KHDC4: variants seen among roughly 807,000 people sequenced by gnomAD.
The protein encoded by KHDC4 is KH domain containing 4, pre-mRNA splicing factor, also known as KH homology domain-containing protein 4.
KHDC4 carries 19 observed loss-of-function variants against 74.5 expected under a neutral mutation model. That is an observed-to-expected ratio of 0.26 (90% CI 0.18 to 0.37). The LOEUF (loss-of-function observed/expected upper bound fraction) is 0.37, where lower values mean the gene tolerates loss of function less well. Ranked by LOEUF, KHDC4 falls within the 10% of genes least tolerant of loss-of-function variation. The pLI is 1.00. For synonymous variants in KHDC4, 253 were observed against 266.1 expected, an observed-to-expected ratio of 0.95 and a Z score of 0.48; for missense variants, 632 against 754.1, an observed-to-expected ratio of 0.84 and a Z score of 1.90.
At chr1:155,928,757 C>T (rs1218804024) in intron 4 of KHDC4, among the ~76,000 whole-genome samples, 1 of 151,560 alleles carries the variant, frequency 6.6e-6, no homozygotes, top group African/African-American at 2.4e-5. Flanking sequence ...TCAAGACCAT[C>T]CTGGCTAACA....
At chr1:155,928,782 C>T (rs1020312127) in intron 4 of KHDC4, among the ~76,000 whole-genome samples, 4 of 151,520 alleles carry the variant, frequency 2.6e-5, no homozygotes, top group African/African-American at 9.7e-5. Context: ...GAAGCTCTGT[C>T]TCTACTAAAA....
intron 3 of KHDC4, 39 bp downstream of exon 3, chr1:155,929,673 A>G: frequency 6.3e-7 from 1 of 1,593,176 alleles, no homozygotes; most frequent in Non-Finnish European, 8.5e-7. Context: ...ATCTGAATCC[A>G]CTCACCGCCC....
chr1:155,923,709 T>C, intron 7 of KHDC4, 22 bp from the exon 8 acceptor site: 2 of 1,583,562 alleles, frequency 1.3e-6, no homozygotes, highest in Non-Finnish European at 1.7e-6. Context: ...TAACCAGGAA[T>C]TCAAAGGAGA....
Position 155,914,001 on chromosome 1 carries a change from C to T in KHDC4, c.*120G>A. 1.2e-6 allele frequency: 1 copy of T among 804,958 alleles called. No individual in the cohort carries two copies. The highest frequency in any genetic ancestry group is 1.7e-5 in the South Asian group (1 of 58,052). 49.9% of individuals were successfully genotyped at this position (804,958 alleles called of 1,614,324 possible). A position where few individuals can be genotyped will look rare whatever the true frequency, so the allele number is the denominator to read the frequency against. On this transcript the variant is annotated 3_prime_UTR_variant, in exon 14 of 14. Transcript: ENST00000368321. Reference sequence around the variant, plus strand: ...CCTTTAAGAAAGGGGGGCACTGAATCTCTAACTTCTGCAAAGGTCCAGATG... The same window carrying T: ...CCTTTAAGAAAGGGGGGCACTGAATTTCTAACTTCTGCAAAGGTCCAGATG...
chr1:155,928,593 C>CAAAAAAAA (rs10555758), intron 4 of KHDC4, among the ~76,000 whole-genome samples: 93 of 89,218 alleles, frequency 1.0e-3, no homozygotes, highest in African/African-American at 3.6e-3. Context: ...ATCATAAAGA[C>CAAAAAAAA]AAAAAAAAAA....
At chr1:155,923,518 T>C (rs1673915302) in intron 8 of KHDC4, 109 bp downstream of exon 8, 3 of 793,672 alleles carry the variant, frequency 3.8e-6, no homozygotes, top group African/African-American at 3.4e-5. Flanking sequence ...CCAACTGCCA[T>C]AACTTGTTAT....
At chr1:155,924,632 G>A (rs1433534443) in intron 7 of KHDC4, among the ~76,000 whole-genome samples, 3 of 145,938 alleles carry the variant, frequency 2.1e-5, no homozygotes, top group Non-Finnish European at 4.5e-5. Flanking sequence ...GGAGTGCAAT[G>A]GAGCAGTCTC....
intron 8 of KHDC4, 57 bp from the exon 9 acceptor site, chr1:155,921,975 G>C: frequency 1.9e-6 from 2 of 1,060,790 alleles, no homozygotes; most frequent in South Asian, 2.7e-5. Flanking sequence ...GCATTTACAA[G>C]GGTCTGATTA....
chr1:155,920,349 A>G (rs988899293), intron 10 of KHDC4, among the ~76,000 whole-genome samples: 2 of 151,932 alleles, frequency 1.3e-5, no homozygotes, highest in African/African-American at 2.4e-5. Context: ...GAGGCAGGAG[A>G]ATGGCGTGAA....
intron 7 of KHDC4, among the ~76,000 whole-genome samples, chr1:155,924,145 A>G (rs1022306898): frequency 3.2e-4 from 49 of 152,150 alleles, no homozygotes; most frequent in Non-Finnish European, 6.2e-4. Flanking sequence ...GTGAAACCCC[A>G]TCTCTACTAA....
intron 3 of KHDC4, 71 bp from the exon 4 acceptor site, chr1:155,929,446 CCATT>C (rs1013046032): frequency 8.7e-6 from 11 of 1,259,630 alleles, no homozygotes; most frequent in African/African-American, 3.0e-5. Context: ...GATTTTCTTC[CCATT>C]CATTCATTCA....
chr1:155,925,818 A>T lies in KHDC4; in HGVS notation c.707T>A (p.Phe236Tyr). ...GGGTACAGCATGTTCTAGACCCACA[A>T]ATAATTTATCTTGAACATAATGCAT... The part of the protein sequence containing the change: ...SGMHYVQDKL[F>Y]VGLEHAVPTF... Residue 236 changes from phenylalanine (F) to tyrosine (Y), a missense_variant, in exon 7 of 14, where the codon TTT becomes TAT. Physicochemically the swap from Phe to Tyr is conservative, Grantham distance 22 (BLOSUM62 3). Coordinates refer to ENST00000368321, the MANE Select transcript of KHDC4 (RefSeq NM_014949.4). 1 of 1,613,572 alleles carries T rather than the reference A, an allele frequency of 6.2e-7. No individual in the cohort carries two copies. Among genetic ancestry groups the T allele is most frequent in the Non-Finnish European group, 8.5e-7 (1 of 1,179,444 alleles).
Position 155,921,640 on chromosome 1 carries a change from GAAA to G in KHDC4, c.1013-15_1013-13del. The stretch of plus-strand genomic sequence containing the variant: ...GGGTTGTGTATAGCCTGAGGGGGAA[GAAA>G]AAAAGTGTTTAATCAGCTGCAGCAG... On this transcript the variant is annotated splice_polypyrimidine_tract_variant and intron_variant, in intron 9 of 13. Coordinates refer to ENST00000368321, the MANE Select transcript of KHDC4 (RefSeq NM_014949.4). The G allele has an allele frequency of 6.3e-7, 1 of 1,591,912 alleles. No homozygotes were observed.
At position 155,930,128 on chromosome 1, in the gene KHDC4, G is replaced by C. The variant is rs189356351; in HGVS notation, c.256-288C>G. Among the ~76,000 whole-genome samples the C allele has an allele frequency of 9.9e-5, 15 of 152,234 alleles. No individual in the cohort carries two copies. The East Asian group carries it at 2.9e-3, about 29-fold the overall frequency. On this transcript the variant is annotated intron_variant, in intron 2 of 13. Transcript: ENST00000368321. ...GGGTTTCACCGTGTTGGCCAGGCTGGTCTCGAACTCCTGACCTCAGGTGAT... is the reference window on the plus strand; with the variant it reads ...GGGTTTCACCGTGTTGGCCAGGCTGCTCTCGAACTCCTGACCTCAGGTGAT...
intron 8 of KHDC4, 37 bp from the exon 9 acceptor site, chr1:155,921,955 C>A (rs183999466): frequency 4.3e-5 from 59 of 1,386,948 alleles, no homozygotes; most frequent in Non-Finnish European, 5.7e-5. Context: ...CATGGGACAG[C>A]CGAAGCTGTG....
rs2102594808 is a variant in KHDC4 at position 155,913,827 on chromosome 1, A to G, written c.*294T>C. Reference sequence around the variant, plus strand: ...AAAAGGCTGACCAGGTCAAATGTGTATGGGAACGACCCTGTTAGGATGCTT... The same window carrying G: ...AAAAGGCTGACCAGGTCAAATGTGTGTGGGAACGACCCTGTTAGGATGCTT... On this transcript the variant is annotated 3_prime_UTR_variant, in exon 14 of 14. Transcript: ENST00000368321. 2.7e-6 allele frequency: 1 copy of G among 364,710 alleles called. No homozygotes were observed. The highest frequency in any genetic ancestry group is 5.1e-6 in the Non-Finnish European group (1 of 197,222). 22.6% of individuals were successfully genotyped at this position (364,710 alleles called of 1,614,324 possible).
chr1:155,919,949 G>GGGGACT (rs745499926), intron 10 of KHDC4: 2 of 516,628 alleles, frequency 3.9e-6, no homozygotes, highest in South Asian at 2.8e-5. Flanking sequence ...CCACAGGTAA[G>GGGGACT]GGGACTGGGC....
rs759416421 is a variant in KHDC4 at position 155,916,666 on chromosome 1, C to T, written c.1512G>A (p.Ser504=). The part of the protein sequence containing the change: ...SSQNEIEGAG[S]KPASSSGKER... The stretch of plus-strand genomic sequence containing the variant: ...CTTTGCCTGAGGAACTTGCTGGCTT[C>T]GATCCTGCACCTTCAATCTCATTCT... The change falls in exon 12 of 14, where the codon TCG becomes TCA. Residue 504 remains serine, a synonymous_variant. Transcript: ENST00000368321. The T allele has an allele frequency of 4.0e-5, 65 of 1,613,704 alleles. No individual in the cohort carries two copies. Among genetic ancestry groups the T allele is most frequent in the East Asian group, 1.1e-4 (5 of 44,882 alleles).
intron 8 of KHDC4, 80 bp downstream of exon 8, chr1:155,923,547 A>C: frequency 9.4e-7 from 1 of 1,061,436 alleles, no homozygotes; most frequent in Non-Finnish European, 1.5e-6. Flanking sequence ...TAGGAAACTA[A>C]ACAGGTGAAA....
Sources: allele counts gnomAD v4.1 joint callset (sites outside exome capture counted in the v4.1 genomes callset), GRCh38; gene constraint gnomAD v4.1.1; transcripts MANE v1.5; gene names NCBI Gene and HGNC (gene_info 2026-07-23, HGNC 2026-07-21).